Variants in PCDHA4 observed in about 807,000 individuals in gnomAD.
The protein encoded by PCDHA4 is protocadherin alpha 4, also known as protocadherin alpha-4.
PCDHA4 carries 49 observed loss-of-function variants against 61.4 expected under a neutral mutation model. That is an observed-to-expected ratio of 0.80 (90% CI 0.63 to 1.01). The LOEUF is 1.01. PCDHA4 is among the 50% of genes least tolerant of loss of function. The probability of loss-of-function intolerance (pLI) is 0.00; values close to 1 mark genes in which losing one functional copy is unlikely to be tolerated. For missense variants in PCDHA4, 1,254 were observed against 1,235.8 expected (o/e 1.01, Z -0.22); for synonymous variants, 590 against 550.3 (o/e 1.07, Z -1.01).
chr5:140,954,102 A>G (rs2094980163), intron 1 of PCDHA4, among the ~76,000 whole-genome samples: 1 of 152,186 alleles, frequency 6.6e-6, no homozygotes, highest in South Asian at 2.1e-4. Flanking sequence ...TGTCCCTGCA[A>G]AGGACAAGAT....
rs1262836505 is a variant in PCDHA4 at position 141,012,081 on chromosome 5, T to C, written c.*2144T>C. The C allele has an allele frequency of 6.5e-6, 1 of 153,748 alleles. No individual in the cohort carries two copies. Among genetic ancestry groups the C allele is most frequent in the Non-Finnish European group, 1.5e-5 (1 of 68,042 alleles). 9.5% of individuals were successfully genotyped at this position (153,748 alleles called of 1,614,324 possible). On this transcript the variant is annotated 3_prime_UTR_variant, in exon 4 of 4. Transcript: ENST00000530339. Reference sequence around the variant, plus strand: ...CAACACATGTGAACCATTGCTACATTGTAGGTTGTGATCATTTTGCCCCAC... The same window carrying C: ...CAACACATGTGAACCATTGCTACATCGTAGGTTGTGATCATTTTGCCCCAC...
At chr5:140,969,034 G>A in intron 1 of PCDHA4, 1 of 1,614,144 alleles carries the variant, frequency 6.2e-7, no homozygotes, top group East Asian at 2.2e-5. Flanking sequence ...CTGCAGAACT[G>A]TACAAACAAG....
intron 1 of PCDHA4, chr5:140,871,319 T>C (rs782385310): frequency 6.2e-7 from 1 of 1,614,040 alleles, no homozygotes; most frequent in Admixed American, 1.7e-5. Flanking sequence ...CCCACGCTGG[T>C]GTGCTCCCGC....
At chr5:140,985,104 AT>A (rs2097137151) in intron 3 of PCDHA4, among the ~76,000 whole-genome samples, 1 of 151,914 alleles carries the variant, frequency 6.6e-6, no homozygotes, top group African/African-American at 2.4e-5. Context: ...AGCCTGGCTA[AT>A]TTTTTGTGTT....
At chr5:140,842,023 T>C (rs1777651230) in intron 1 of PCDHA4, 1 of 1,613,718 alleles carries the variant, frequency 6.2e-7, no homozygotes, top group Non-Finnish European at 8.5e-7. Context: ...CAGTGCTGGA[T>C]GTGAATGATA....
At chr5:141,007,426 G>A (rs1255100179) in intron 3 of PCDHA4, among the ~76,000 whole-genome samples, 4 of 151,118 alleles carry the variant, frequency 2.6e-5, no homozygotes, top group Non-Finnish European at 5.9e-5. Flanking sequence ...AAATTAGCCA[G>A]GCATGGTGGC....
intron 1 of PCDHA4, among the ~76,000 whole-genome samples, chr5:140,957,916 T>C (rs1554223208): frequency 6.6e-6 from 1 of 152,114 alleles, no homozygotes; most frequent in African/African-American, 2.4e-5. Context: ...TTGTTATCTA[T>C]GTATCAAGCT....
intron 1 of PCDHA4, chr5:140,828,292 C>G: frequency 6.2e-7 from 1 of 1,614,100 alleles, no homozygotes; most frequent in Non-Finnish European, 8.5e-7. Flanking sequence ...TCAGGATGGC[C>G]TCCAAAGACC....
In PCDHA4 at chr5:140,871,387, G is replaced by A. The variant is rs372339362; in HGVS notation, c.2385+61815G>A. Reference sequence around the variant, plus strand: ...GCGGCAGAGGGTGTGCTCTGAGGAGGGCCCACCTAAGACGGACCTCATGGC... The same window carrying A: ...GCGGCAGAGGGTGTGCTCTGAGGAGAGCCCACCTAAGACGGACCTCATGGC... On this transcript the variant is annotated intron_variant, in intron 1 of 3. Coordinates refer to ENST00000530339, the MANE Select transcript of PCDHA4 (RefSeq NM_018907.4). 87 of 1,614,172 alleles carry A rather than the reference G, an allele frequency of 5.4e-5. No homozygotes were observed. The African/African-American group carries it at 1.0e-3, about 19-fold the overall frequency.
chr5:140,822,701 A>G, intron 1 of PCDHA4: 6 of 1,610,678 alleles, frequency 3.7e-6, no homozygotes, highest in Non-Finnish European at 5.1e-6. Flanking sequence ...GAACTGGATT[A>G]TGAAGACTAT....
intron 1 of PCDHA4, chr5:140,870,883 C>G: frequency 6.2e-7 from 1 of 1,613,920 alleles, no homozygotes; most frequent in South Asian, 1.1e-5. Flanking sequence ...GGCGAAGGTG[C>G]GCGCAGTGGA....
chr5:141,005,263 A>T (rs1223276392), intron 3 of PCDHA4, among the ~76,000 whole-genome samples: 2 of 152,198 alleles, frequency 1.3e-5, no homozygotes, highest in Admixed American at 1.3e-4. Context: ...GGCACTGGTG[A>T]TACATTGGTG....
At chr5:140,976,143 A>G (rs2096703250) in intron 1 of PCDHA4, among the ~76,000 whole-genome samples, 1 of 152,236 alleles carries the variant, frequency 6.6e-6, no homozygotes, top group South Asian at 2.1e-4. Flanking sequence ...GATGAAACTC[A>G]TGTACATTTT....
chr5:140,903,163 G>T (rs2070058285), intron 1 of PCDHA4, among the ~76,000 whole-genome samples: 1 of 152,096 alleles, frequency 6.6e-6, no homozygotes, highest in Non-Finnish European at 1.5e-5. Flanking sequence ...GGTTGTGCTG[G>T]TTTACATTCC....
In PCDHA4 at chr5:140,809,029, G is replaced by T. The variant is rs1245883227; in HGVS notation, c.1842G>T (p.Gly614=). 6.2e-7 allele frequency: 1 copy of T among 1,613,858 alleles called. No homozygotes were observed. ...NAWLSYELQP[G]TGGARIPFRV... ...GGCTTTCGTACGAGCTGCAGCCGGG[G>T]ACTGGTGGCGCGCGCATCCCGTTCC... The change falls in exon 1 of 4, where the codon GGG becomes GGT. Residue 614 remains glycine, a synonymous_variant. Transcript: ENST00000530339.
chr5:140,850,964 C>A, intron 1 of PCDHA4: 1 of 1,468,876 alleles, frequency 6.8e-7, no homozygotes, highest in South Asian at 1.4e-5. Context: ...TCCCAGGGGC[C>A]GTTCAAATAG....
intron 1 of PCDHA4, among the ~76,000 whole-genome samples, chr5:140,872,655 G>A (rs1474105243): frequency 6.6e-6 from 1 of 152,046 alleles, no homozygotes; most frequent in African/African-American, 2.4e-5. Context: ...CAAGAGATTT[G>A]TCAACTATTG....
chr5:140,869,748 A>G, intron 1 of PCDHA4: 1 of 1,613,334 alleles, frequency 6.2e-7, no homozygotes, highest in Admixed American at 1.7e-5. Flanking sequence ...TAACAGCTAC[A>G]GACGGGGGAA....
At chr5:140,966,811 G>T (rs377370256) in intron 1 of PCDHA4, 6 of 1,549,722 alleles carry the variant, frequency 3.9e-6, no homozygotes, top group African/African-American at 1.4e-5. Context: ...AGCATCCACG[G>T]CTCCGGCGGC....
Sources: gnomAD v4.1 joint callset for allele counts (sites outside exome capture counted in the v4.1 genomes callset) on GRCh38, gnomAD v4.1.1 for gene constraint, MANE v1.5 for transcripts, NCBI Gene and HGNC (gene_info 2026-07-23, HGNC 2026-07-21) for gene names.